FHIT: variants seen among roughly 807,000 people sequenced by gnomAD.
FHIT encodes the protein fragile histidine triad diadenosine triphosphatase.
In FHIT, 19 loss-of-function variants were observed where a neutral mutation model predicts 17.9. The observed-to-expected ratio is 1.06, with a 90% CI of 0.74 to 1.56. The LOEUF (loss-of-function observed/expected upper bound fraction) is 1.56, where lower values mean the gene tolerates loss of function less well. FHIT is among the 40% of genes most tolerant of loss of function. FHIT has a pLI of 0.00. For synonymous variants in FHIT, 81 were observed against 69.7 expected (o/e 1.16, Z -0.81); for missense variants, 248 against 189.2 (o/e 1.31, Z -1.82).
intron 4 of FHIT, among the ~76,000 whole-genome samples, chr3:60,571,043 A>G (rs2856015): frequency 0.95 from 145,085 of 152,060 alleles, 69,282 homozygotes; most frequent in East Asian, 1. Context: ...AACACTGAAT[A>G]GAGGCTGGGC....
intron 4 of FHIT, among the ~76,000 whole-genome samples, chr3:60,711,620 T>C (rs2041535081): frequency 6.6e-6 from 1 of 152,078 alleles, no homozygotes; most frequent in Non-Finnish European, 1.5e-5. Context: ...GAGAACTACG[T>C]GAAGAATGCA....
chr3:60,794,373 AATGGATGGATGGATGG>A (rs34723569), intron 4 of FHIT, among the ~76,000 whole-genome samples: 19 of 149,506 alleles, frequency 1.3e-4, no homozygotes, highest in South Asian at 2.1e-4. Flanking sequence ...GGGAAGGAAA[AATGGATGGATGGATGG>A]ATGGATGGAT....
intron 5 of FHIT, among the ~76,000 whole-genome samples, chr3:60,411,965 C>G (rs977759895): frequency 1.3e-5 from 2 of 151,818 alleles, no homozygotes; most frequent in African/African-American, 4.8e-5. Context: ...TCAGTGGTAC[C>G]TTTGTATTTA....
intron 5 of FHIT, among the ~76,000 whole-genome samples, chr3:60,110,611 C>A (rs189933789): frequency 2.0e-4 from 31 of 152,252 alleles, no homozygotes; most frequent in Admixed American, 1.8e-3. Context: ...CACCTCCGAG[C>A]CTCAGTTTCT....
chr3:60,073,726 T>C (rs1436053790), intron 5 of FHIT, among the ~76,000 whole-genome samples: 1 of 152,096 alleles, frequency 6.6e-6, no homozygotes, highest in African/African-American at 2.4e-5. Flanking sequence ...CCCATTTCCC[T>C]TGACCAACCT....
intron 1 of FHIT, among the ~76,000 whole-genome samples, chr3:61,229,613 T>C (rs1186058084): frequency 6.6e-6 from 1 of 152,098 alleles, no homozygotes; most frequent in Non-Finnish European, 1.5e-5. Flanking sequence ...ATTAGGAAAC[T>C]GGAGACAATA....
chr3:59,883,411 G>A (rs1703487484), intron 8 of FHIT, among the ~76,000 whole-genome samples: 1 of 152,140 alleles, frequency 6.6e-6, no homozygotes, highest in Non-Finnish European at 1.5e-5. Flanking sequence ...GAAGGTGAAA[G>A]GCATGTTTTA....
At chr3:61,093,845 T>C (rs1354635223) in intron 2 of FHIT, among the ~76,000 whole-genome samples, 2 of 152,192 alleles carry the variant, frequency 1.3e-5, no homozygotes, top group African/African-American at 4.8e-5. Flanking sequence ...CCCTAAGAGT[T>C]AGGTACACGT....
intron 8 of FHIT, among the ~76,000 whole-genome samples, chr3:59,804,324 A>C (rs1032043450): frequency 6.6e-6 from 1 of 152,186 alleles, no homozygotes; most frequent in East Asian, 1.9e-4. Flanking sequence ...GCCCCATTTC[A>C]AGGTCAATAG....
intron 1 of FHIT, among the ~76,000 whole-genome samples, chr3:61,235,991 G>A (rs1023291255): frequency 5.3e-5 from 8 of 151,830 alleles, no homozygotes; most frequent in East Asian, 1.9e-4. Context: ...AAAGTGCCCT[G>A]TGTGTTTTCA....
At chr3:60,515,529 G>A (rs1037856617) in intron 5 of FHIT, among the ~76,000 whole-genome samples, 1 of 151,488 alleles carries the variant, frequency 6.6e-6, no homozygotes, top group Non-Finnish European at 1.5e-5. Flanking sequence ...CATAGACCTG[G>A]CTCTGCTTTG....
chr3:60,602,962 A>C (rs570943455), intron 4 of FHIT, among the ~76,000 whole-genome samples: 1 of 152,288 alleles, frequency 6.6e-6, no homozygotes, highest in East Asian at 1.9e-4. Flanking sequence ...CCCAGTCTCT[A>C]TAACTGCAAG....
chr3:60,417,190 T>G (rs962348936), intron 5 of FHIT, among the ~76,000 whole-genome samples: 2 of 152,224 alleles, frequency 1.3e-5, no homozygotes, highest in Non-Finnish European at 1.5e-5. Context: ...AATATTATGT[T>G]ATTCTATGCT....
At chr3:60,334,941 T>A (rs560096387) in intron 5 of FHIT, among the ~76,000 whole-genome samples, 2 of 152,356 alleles carry the variant, frequency 1.3e-5, no homozygotes, top group African/African-American at 4.8e-5. Flanking sequence ...TCTTTTTAAA[T>A]TATTTTCCTA....
At chr3:60,451,530 G>A (rs919627405) in intron 5 of FHIT, among the ~76,000 whole-genome samples, 1 of 152,054 alleles carries the variant, frequency 6.6e-6, no homozygotes. Flanking sequence ...CACTTTTGGT[G>A]CTATTTTCCA....
At chr3:60,263,679 G>C (rs1014935087) in intron 5 of FHIT, among the ~76,000 whole-genome samples, 1 of 151,872 alleles carries the variant, frequency 6.6e-6, no homozygotes, top group Non-Finnish European at 1.5e-5. Context: ...GTAGAGAGGA[G>C]GTGGAATGCA....
At chr3:61,152,958 A>G (rs1395867986) in intron 2 of FHIT, among the ~76,000 whole-genome samples, 1 of 152,170 alleles carries the variant, frequency 6.6e-6, no homozygotes, top group Admixed American at 6.5e-5. Flanking sequence ...CCTGGCTAAC[A>G]CGGTGAAATC....
At chr3:60,678,964 A>G (rs1383031993) in intron 4 of FHIT, among the ~76,000 whole-genome samples, 2 of 151,474 alleles carry the variant, frequency 1.3e-5, no homozygotes, top group Admixed American at 1.3e-4. Flanking sequence ...AGTCCTTAAA[A>G]AAAAAAAACA....
intron 8 of FHIT, among the ~76,000 whole-genome samples, chr3:59,755,388 G>A (rs1559574802): frequency 6.6e-6 from 1 of 152,230 alleles, no homozygotes; most frequent in South Asian, 2.1e-4. Flanking sequence ...AAATGCTACA[G>A]TTTGGAGTAA....
Sources: gnomAD v4.1 joint callset for allele counts (sites outside exome capture counted in the v4.1 genomes callset) on GRCh38, gnomAD v4.1.1 for gene constraint, MANE v1.5 for transcripts, NCBI Gene and HGNC (gene_info 2026-07-23, HGNC 2026-07-21) for gene names.